FRK: variants seen among roughly 807,000 people sequenced by gnomAD.
FRK encodes fyn related Src family tyrosine kinase.
A neutral mutation model predicts 56.4 loss-of-function variants in FRK; 51 were observed. The observed-to-expected ratio is 0.90, with a 90% CI of 0.72 to 1.14. FRK has a LOEUF of 1.14. Among genes scored for constraint, FRK ranks in the 50% most tolerant of loss-of-function variants. FRK has a pLI of 0.00. For missense variants in FRK, 570 were observed against 601.4 expected (o/e 0.95, Z 0.55); for synonymous variants, 245 against 217.9 (o/e 1.12, Z -1.10).
chr6:115,975,681 AG>A (rs1773966974), intron 2 of FRK, among the ~76,000 whole-genome samples: 1 of 152,300 alleles, frequency 6.6e-6, no homozygotes, highest in Non-Finnish European at 1.5e-5. Flanking sequence ...TAAGTATTTT[AG>A]TAGTTCAGCT....
At chr6:116,014,393 T>C (rs530175813) in intron 1 of FRK, among the ~76,000 whole-genome samples, 2 of 152,162 alleles carry the variant, frequency 1.3e-5, no homozygotes, top group Admixed American at 6.5e-5. Flanking sequence ...AAATTAACCA[T>C]AGGCTATAAG....
At chr6:115,982,546 T>C (rs1343201964) in intron 2 of FRK, among the ~76,000 whole-genome samples, 1 of 152,174 alleles carries the variant, frequency 6.6e-6, no homozygotes, top group Non-Finnish European at 1.5e-5. Flanking sequence ...AAGTAAACAC[T>C]TCACATAAAG....
the FRK span, among the ~76,000 whole-genome samples, chr6:116,067,370 T>C: frequency 6.6e-6 from 1 of 151,824 alleles, no homozygotes; most frequent in African/African-American, 2.4e-5. Flanking sequence ...TCACTATTTT[T>C]ATTTTTATTT....
At chr6:116,040,414 A>G (rs1409496796) in intron 1 of FRK, among the ~76,000 whole-genome samples, 1 of 152,186 alleles carries the variant, frequency 6.6e-6, no homozygotes, top group African/African-American at 2.4e-5. Flanking sequence ...ATAGCAATCC[A>G]TTTATAATTC....
chr6:116,073,086 T>G, the FRK span, among the ~76,000 whole-genome samples: 3 of 152,158 alleles, frequency 2.0e-5, no homozygotes, highest in African/African-American at 4.8e-5. Flanking sequence ...TGTACCCTGA[T>G]TTTAATTATG....
chr6:115,931,457 ATAAAT>A lies in FRK; in HGVS notation c.*10952_*10956del, dbSNP rs1267162274. The A allele has an allele frequency of 5.3e-5, 8 of 152,180 alleles. No homozygotes were observed. Among genetic ancestry groups the A allele is most frequent in the Non-Finnish European group, 7.4e-5 (5 of 68,016 alleles). The allele number at this position is 152,180 out of a possible 1,614,324, so 9.4% of individuals were successfully genotyped here. A position where few individuals can be genotyped will look rare whatever the true frequency, so the allele number is the denominator to read the frequency against. On this transcript the variant is annotated 3_prime_UTR_variant, in exon 8 of 8. Transcript: ENST00000606080. ...TCTTCTTTAATCCCTGTTGCTACAT[ATAAAT>A]TAGTCATATGTAATATGTGTCACAT...
At chr6:116,061,628 T>G (rs11966753), upstream of FRK, among the ~76,000 whole-genome samples, 2,717 of 152,314 alleles carry the variant, frequency 0.018, 35 homozygotes, top group Non-Finnish European at 0.027. Context: ...CAGTGGTTTT[T>G]GCTTGACCTT....
intron 2 of FRK, among the ~76,000 whole-genome samples, chr6:115,999,971 A>G (rs1774992029): frequency 6.6e-6 from 1 of 152,198 alleles, no homozygotes; most frequent in African/African-American, 2.4e-5. Context: ...TTGAAAAGAA[A>G]TCATAATGAT....
intron 1 of FRK, among the ~76,000 whole-genome samples, chr6:116,011,097 A>C (rs527881958): frequency 6.6e-6 from 1 of 152,232 alleles, no homozygotes; most frequent in Non-Finnish European, 1.5e-5. Context: ...CCTTAAAAAA[A>C]AAAATTGCAG....
rs1359394140 is a variant in FRK, at chr6:115,941,334, G to A, written c.*1080C>T. On this transcript the variant is annotated 3_prime_UTR_variant, in exon 8 of 8. Coordinates refer to ENST00000606080, the MANE Select transcript of FRK (RefSeq NM_002031.3). ...CAAGGAGGGGAACATCACATACTGG[G>A]GCCTGTCAGGGGATGGAGGGCTAGG... 2 of 151,982 alleles carry A rather than the reference G, an allele frequency of 1.3e-5. No individual in the cohort carries two copies. Among genetic ancestry groups the A allele is most frequent in the African/African-American group, 4.8e-5 (2 of 41,368 alleles). 9.4% of individuals were successfully genotyped at this position (151,982 alleles called of 1,614,324 possible).
chr6:116,093,321 C>T, the FRK span, among the ~76,000 whole-genome samples: 1 of 152,124 alleles, frequency 6.6e-6, no homozygotes, highest in Non-Finnish European at 1.5e-5. Flanking sequence ...TGGCCCAACC[C>T]AGGTACATGT....
At chr6:116,071,777 T>C in the FRK span, among the ~76,000 whole-genome samples, 2 of 152,148 alleles carry the variant, frequency 1.3e-5, no homozygotes, top group Non-Finnish European at 2.9e-5. Flanking sequence ...TGCTTGGGGA[T>C]ATAAAATTAA....
chr6:115,967,681 G>A lies in FRK; in HGVS notation c.669C>T (p.Thr223=), dbSNP rs777365782. The part of the protein sequence containing the change: ...VPAPFDLSYK[T]VDQWEIDRNS... ...TGCGGTCTATCTCCCATTGGTCCAC[G>A]GTTTTATACGACAAATCAAATGGAG... The change falls in exon 4 of 8, where the codon ACC becomes ACT. Residue 223 remains threonine (T), a synonymous_variant. Transcript: ENST00000606080. The A allele has an allele frequency of 2.7e-5, 44 of 1,611,422 alleles. No homozygotes were observed. The highest frequency in any genetic ancestry group is 6.7e-5 in the African/African-American group (5 of 74,566).
chr6:116,051,090 A>G (rs1193474962), intron 1 of FRK, among the ~76,000 whole-genome samples: 3 of 152,204 alleles, frequency 2.0e-5, no homozygotes, highest in African/African-American at 7.2e-5. Flanking sequence ...GATCTTCTGA[A>G]TCTTCCAAAT....
chr6:116,038,702 C>T (rs1776582875), intron 1 of FRK: 2 of 416,048 alleles, frequency 4.8e-6, no homozygotes, highest in Non-Finnish European at 9.4e-6. Flanking sequence ...TAATCCCCAA[C>T]CTAGAAAATC....
chr6:116,048,412 G>T (rs1224400346), intron 1 of FRK, among the ~76,000 whole-genome samples: 7 of 152,120 alleles, frequency 4.6e-5, no homozygotes, highest in Admixed American at 4.6e-4. Context: ...TTGAGACAGG[G>T]TCTTGCCCTT....
intron 4 of FRK, among the ~76,000 whole-genome samples, chr6:115,960,074 A>T (rs961322520): frequency 6.6e-6 from 1 of 152,156 alleles, no homozygotes; most frequent in African/African-American, 2.4e-5. Context: ...GCTCCTGTCT[A>T]CAGCTCCCAG....
chr6:116,047,936 A>C (rs1158007912), intron 1 of FRK, among the ~76,000 whole-genome samples: 1 of 152,260 alleles, frequency 6.6e-6, no homozygotes, highest in Non-Finnish European at 1.5e-5. Flanking sequence ...GACTACCCCA[A>C]GAATGCAGAT....
the FRK span, among the ~76,000 whole-genome samples, chr6:116,099,015 C>T: frequency 0.97 from 147,672 of 152,324 alleles, 71,600 homozygotes; most frequent in East Asian, 1. Context: ...ACTGTTTGTG[C>T]AAACATGCAG....
Sources: gnomAD v4.1 joint callset for allele counts (sites outside exome capture counted in the v4.1 genomes callset) on GRCh38, gnomAD v4.1.1 for gene constraint, MANE v1.5 for transcripts, NCBI Gene and HGNC (gene_info 2026-07-23, HGNC 2026-07-21) for gene names.